The following CREB5 variants were observed in gnomAD, a reference collection of about 807,000 sequenced individuals.
The protein encoded by CREB5 is cAMP responsive element binding protein 5, also known as cyclic AMP-responsive element-binding protein 5.
CREB5 carries 19 observed loss-of-function variants against 57.1 expected under a neutral mutation model. The ratio of observed to expected loss-of-function variants is 0.33; its 90% CI spans 0.23 to 0.49. The LOEUF (loss-of-function observed/expected upper bound fraction) is 0.49, where lower values mean the gene tolerates loss of function less well. Among genes scored for constraint, CREB5 ranks in the 20% least tolerant of loss-of-function variants. The probability of loss-of-function intolerance (pLI) is 0.99; values close to 1 mark genes in which losing one functional copy is unlikely to be tolerated. For missense variants in CREB5, 579 were observed against 671.6 expected (o/e 0.86, Z 1.52); for synonymous variants, 238 against 238.3 (o/e 1.00, Z 0.01).
At chr7:28,751,515 A>G (rs1804972581) in intron 7 of CREB5, among the ~76,000 whole-genome samples, 1 of 152,230 alleles carries the variant, frequency 6.6e-6, no homozygotes, top group Admixed American at 6.5e-5. Context: ...ACGAGGATCC[A>G]GTGCCTTCCA....
chr7:28,643,179 A>G (rs984879850), intron 5 of CREB5, among the ~76,000 whole-genome samples: 4 of 152,076 alleles, frequency 2.6e-5, no homozygotes, highest in Admixed American at 1.3e-4. Flanking sequence ...CTCTCGCTCA[A>G]TTTGCGTAAC....
intron 4 of CREB5, among the ~76,000 whole-genome samples, chr7:28,560,869 C>CGTGTGTGTGCGTGTGT (rs1554344338): frequency 3.5e-5 from 1 of 28,604 alleles, no homozygotes. Context: ...CGTGTGCCTG[C>CGTGTGTGTGCGTGTGT]GTGCGCGTGC....
chr7:28,401,392 T>C (rs1308570031), intron 1 of CREB5, among the ~76,000 whole-genome samples: 1 of 151,974 alleles, frequency 6.6e-6, no homozygotes, highest in South Asian at 2.1e-4. Flanking sequence ...TGTTATTTTT[T>C]TTTTAATTAA....
intron 8 of CREB5, 115 bp downstream of exon 8, chr7:28,804,637 A>C: frequency 2.0e-4 from 262 of 1,282,608 alleles, no homozygotes; most frequent in Non-Finnish European, 2.7e-4. Context: ...GTTCTATCTC[A>C]CATTCTAGGG....
chr7:28,807,449 AAGAAAAAAAGAAAATGTCTTTGC>A (rs1808804900), intron 8 of CREB5, among the ~76,000 whole-genome samples: 1 of 152,214 alleles, frequency 6.6e-6, no homozygotes, highest in East Asian at 1.9e-4. Context: ...ACTCCGTCTC[AAGAAAAAAAGAAAATGTCTTTGC>A]TTTGCATAAA....
chr7:28,739,073 A>AG (rs1352287144), intron 7 of CREB5, among the ~76,000 whole-genome samples: 2 of 152,228 alleles, frequency 1.3e-5, no homozygotes, highest in East Asian at 3.8e-4. Context: ...GTCAAGCACA[A>AG]GGTAAGCTCC....
intron 5 of CREB5, among the ~76,000 whole-genome samples, chr7:28,686,416 C>T (rs184198570): frequency 6.7e-6 from 1 of 150,308 alleles, no homozygotes; most frequent in East Asian, 2.0e-4. Context: ...TCACTTCGAT[C>T]AGAGTTTTTG....
chr7:28,382,910 A>C (rs1239064066), intron 1 of CREB5, among the ~76,000 whole-genome samples: 1 of 152,138 alleles, frequency 6.6e-6, no homozygotes, highest in Non-Finnish European at 1.5e-5. Flanking sequence ...TGAACCAGTG[A>C]AAATCGCCTG....
At chr7:28,578,317 C>A (rs1236927140) in intron 5 of CREB5, among the ~76,000 whole-genome samples, 1 of 152,206 alleles carries the variant, frequency 6.6e-6, no homozygotes, top group African/African-American at 2.4e-5. Flanking sequence ...AGAATGAAAA[C>A]CTAGCAGGTT....
chr7:28,476,510 T>C (rs574051085), intron 1 of CREB5, among the ~76,000 whole-genome samples: 131 of 151,224 alleles, frequency 8.7e-4, no homozygotes, highest in African/African-American at 3.1e-3. Flanking sequence ...ATATCACCTA[T>C]AGTCTCTTTT....
intron 5 of CREB5, among the ~76,000 whole-genome samples, chr7:28,600,594 G>T (rs1377175179): frequency 6.6e-6 from 1 of 152,214 alleles, no homozygotes; most frequent in Non-Finnish European, 1.5e-5. Flanking sequence ...ATGCAGGCCA[G>T]ACAGACTTCT....
At chr7:28,370,709 C>T (rs576606949) in intron 1 of CREB5, among the ~76,000 whole-genome samples, 2 of 152,284 alleles carry the variant, frequency 1.3e-5, no homozygotes, top group East Asian at 3.9e-4. Flanking sequence ...ACTGTAGCTC[C>T]AGTGACTTCT....
chr7:28,406,196 G>T (rs1691813844), intron 1 of CREB5, among the ~76,000 whole-genome samples: 1 of 152,172 alleles, frequency 6.6e-6, no homozygotes, highest in Non-Finnish European at 1.5e-5. Context: ...GTTTTATTCA[G>T]GCCTGATTAA....
chr7:28,447,747 G>T (rs1005908369), intron 1 of CREB5, among the ~76,000 whole-genome samples: 3 of 152,138 alleles, frequency 2.0e-5, no homozygotes, highest in Non-Finnish European at 2.9e-5. Flanking sequence ...TTTCCAAAAT[G>T]TGGCTTCTGA....
rs377319103 is a variant in CREB5, at chr7:28,560,943, T to TGC, written c.292-9421_292-9420insCG. ...GTGTGCGCGTGCGTGTGTGCGTGCG[T>TGC]GTGTGTGCGTGTGTGTGCGTGTGTG... On this transcript the variant is annotated intron_variant, in intron 4 of 10. Coordinates refer to ENST00000357727, the MANE Select transcript of CREB5 (RefSeq NM_182898.4). 7.7e-3 allele frequency among the ~76,000 whole-genome samples: 255 copies of TGC among 33,148 alleles called. 29 individuals are homozygous for TGC. The highest frequency in any genetic ancestry group is 0.033 in the African/African-American group (232 of 7,044). 21.7% of individuals were successfully genotyped at this position (33,148 alleles called of 152,430 possible). A position where few individuals can be genotyped will look rare whatever the true frequency, so the allele number is the denominator to read the frequency against.
At chr7:28,323,484 C>A (rs76481265) in intron 1 of CREB5, among the ~76,000 whole-genome samples, 1 of 152,076 alleles carries the variant, frequency 6.6e-6, no homozygotes, top group African/African-American at 2.4e-5. Flanking sequence ...CTACCCATAC[C>A]CTTTTCCTTT....
At chr7:28,319,819 A>G (rs1173875215) in intron 1 of CREB5, among the ~76,000 whole-genome samples, 1 of 152,182 alleles carries the variant, frequency 6.6e-6, no homozygotes, top group Non-Finnish European at 1.5e-5. Context: ...AGGTGGCAGG[A>G]GGCTGGGAAG....
intron 5 of CREB5, among the ~76,000 whole-genome samples, chr7:28,657,009 G>C (rs140958031): frequency 6.6e-6 from 1 of 152,216 alleles, no homozygotes; most frequent in African/African-American, 2.4e-5. Flanking sequence ...AGGAAAAAGA[G>C]GGACTTTCTG....
chr7:28,322,830 T>C (rs1161179454), intron 1 of CREB5, among the ~76,000 whole-genome samples: 2 of 152,202 alleles, frequency 1.3e-5, no homozygotes, highest in African/African-American at 4.8e-5. Context: ...ATGTGCCACA[T>C]TGTCTTTATC....
Sources: allele counts gnomAD v4.1 joint callset (sites outside exome capture counted in the v4.1 genomes callset), GRCh38; gene constraint gnomAD v4.1.1; transcripts MANE v1.5; gene names NCBI Gene and HGNC (gene_info 2026-07-23, HGNC 2026-07-21).